Variants in SH3PXD2A observed in about 807,000 individuals in gnomAD.
SH3PXD2A encodes the protein SH3 and PX domains 2A.
A neutral mutation model predicts 115.2 loss-of-function variants in SH3PXD2A; 32 were observed. That is an observed-to-expected ratio of 0.28 (90% CI 0.21 to 0.37). SH3PXD2A has a LOEUF of 0.37. SH3PXD2A is among the 10% of genes least tolerant of loss of function. The pLI is 1.00. For synonymous variants in SH3PXD2A, 610 were observed against 629.1 expected, an observed-to-expected ratio of 0.97 and a Z score of 0.45; for missense variants, 1,328 against 1,498.7, an observed-to-expected ratio of 0.89 and a Z score of 1.88.
At chr10:103,630,886 C>T (rs922042850) in intron 8 of SH3PXD2A, among the ~76,000 whole-genome samples, 3 of 152,036 alleles carry the variant, frequency 2.0e-5, no homozygotes, top group African/African-American at 7.2e-5. Flanking sequence ...AATGAGTTAA[C>T]GAACTTCCTG....
At chr10:103,772,266 T>C (rs997725969) in intron 2 of SH3PXD2A, among the ~76,000 whole-genome samples, 1 of 152,158 alleles carries the variant, frequency 6.6e-6, no homozygotes, top group Non-Finnish European at 1.5e-5. Flanking sequence ...ACCTGGTCAG[T>C]ACCCAATTTG....
intron 1 of SH3PXD2A, among the ~76,000 whole-genome samples, chr10:103,847,523 C>T (rs1842858448): frequency 6.6e-6 from 1 of 152,140 alleles, no homozygotes; most frequent in Admixed American, 6.5e-5. Context: ...TGGGGTCTTG[C>T]TACATTGTCC....
chr10:103,702,461 A>T (rs2037926315), intron 5 of SH3PXD2A, among the ~76,000 whole-genome samples: 1 of 152,206 alleles, frequency 6.6e-6, no homozygotes, highest in Non-Finnish European at 1.5e-5. Flanking sequence ...GCTATGTGGA[A>T]GATGGGGCAC....
At chr10:103,814,610 T>C (rs977324696) in intron 1 of SH3PXD2A, among the ~76,000 whole-genome samples, 1 of 152,180 alleles carries the variant, frequency 6.6e-6, no homozygotes, top group Admixed American at 6.5e-5. Context: ...ACTGTGATGC[T>C]GGTAGATCCC....
intron 4 of SH3PXD2A, 72 bp from the exon 5 acceptor site, chr10:103,724,433 C>T: frequency 1.2e-6 from 1 of 833,164 alleles, no homozygotes; most frequent in Admixed American, 3.0e-5. Context: ...ACAGTGTCAC[C>T]TTACACCAAC....
chr10:103,848,608 C>G (rs950675437), intron 1 of SH3PXD2A, among the ~76,000 whole-genome samples: 4 of 152,294 alleles, frequency 2.6e-5, no homozygotes, highest in African/African-American at 9.6e-5. Context: ...CTTTGCCCAG[C>G]TTTTCCTTGC....
At position 103,622,526 on chromosome 10, in the gene SH3PXD2A, C is replaced by G; in HGVS notation, c.746G>C (p.Arg249Pro). Residue 249 changes from arginine (R) to proline (P), a missense_variant, in exon 10 of 15, where the codon CGG becomes CCG. Physicochemically the swap from Arg to Pro is moderately radical, Grantham distance 103 (BLOSUM62 -2). Coordinates refer to ENST00000369774, the MANE Select transcript of SH3PXD2A (RefSeq NM_001394015.1). ...EVSKRRKAHL[R>P]RLDRRWTLGG... ...CAGGGTCCACCGGCGATCCAGGCGC[C>G]GCAGATGGGCCTTGCGTCTCTTGGA... 6.5e-7 allele frequency: 1 copy of G among 1,550,360 alleles called. No homozygotes were observed. Among genetic ancestry groups the G allele is most frequent in the Non-Finnish European group, 8.7e-7 (1 of 1,146,874 alleles).
In SH3PXD2A at chr10:103,756,143, G is replaced by A. The variant is rs1457908065; in HGVS notation, c.229+10951C>T. On this transcript the variant is annotated intron_variant, in intron 3 of 14. Transcript: ENST00000369774. This position sits in a 1 kb window ranked among gnomAD's most constrained non-coding sequence, Gnocchi z 4.4. Reference sequence around the variant, plus strand: ...GACATCAGTCCTGGGAACTGTGGAGGTGAAGGGGGAGGAGGTATTTTCAGC... The same window carrying A: ...GACATCAGTCCTGGGAACTGTGGAGATGAAGGGGGAGGAGGTATTTTCAGC... Among the ~76,000 whole-genome samples the A allele has an allele frequency of 6.6e-6, 1 of 152,230 alleles. No homozygotes were observed. Among genetic ancestry groups the A allele is most frequent in the African/African-American group, 2.4e-5 (1 of 41,468 alleles).
intron 1 of SH3PXD2A, among the ~76,000 whole-genome samples, chr10:103,825,407 T>C (rs574274871): frequency 1.3e-5 from 2 of 152,370 alleles, no homozygotes; most frequent in Admixed American, 1.3e-4. Flanking sequence ...TATTATTTAA[T>C]TGATACAGTT....
chr10:103,713,636 C>A (rs1417047295), intron 5 of SH3PXD2A, among the ~76,000 whole-genome samples: 4 of 152,248 alleles, frequency 2.6e-5, no homozygotes, highest in African/African-American at 9.6e-5. Flanking sequence ...CTCAGGGAGG[C>A]CTTCCTGACC....
At chr10:103,642,103 C>T (rs9665531) in intron 8 of SH3PXD2A, among the ~76,000 whole-genome samples, 21,174 of 151,806 alleles carry the variant, frequency 0.14, 1,856 homozygotes, top group South Asian at 0.27. Flanking sequence ...GTAAGTCACA[C>T]CATCATAAGT....
intron 2 of SH3PXD2A, among the ~76,000 whole-genome samples, chr10:103,778,937 G>A (rs2134238722): frequency 6.6e-6 from 1 of 152,344 alleles, no homozygotes; most frequent in Non-Finnish European, 1.5e-5. Context: ...GGGCAGCAGA[G>A]CACCTGGGGA....
At position 103,603,163 on chromosome 10, in the gene SH3PXD2A, G is replaced by GT. The variant is rs1465906150; in HGVS notation, c.2054dup (p.His685GlnfsTer57). On this transcript the variant is annotated frameshift_variant, in exon 15 of 15. Transcript: ENST00000369774. LOFTEE classifies it high-confidence loss of function. ...TGGATGAGGAAAAGGAGGCTGAGGAGTGGTTCTTCCCCATTTCTGCCTGGG... is the reference window on the plus strand; with the variant it reads ...TGGATGAGGAAAAGGAGGCTGAGGAGTTGGTTCTTCCCCATTTCTGCCTGGG... 6.2e-7 allele frequency: 1 copy of GT among 1,613,760 alleles called. No individual in the cohort carries two copies. The highest frequency in any genetic ancestry group is 8.5e-7 in the Non-Finnish European group (1 of 1,180,008).
chr10:103,736,456 C>T (rs1483747626), intron 3 of SH3PXD2A, among the ~76,000 whole-genome samples: 1 of 152,244 alleles, frequency 6.6e-6, no homozygotes, highest in Non-Finnish European at 1.5e-5. Flanking sequence ...GCTGACTCTC[C>T]CAAGCTGGCC....
intron 8 of SH3PXD2A, among the ~76,000 whole-genome samples, chr10:103,645,164 G>A (rs938318328): frequency 6.6e-6 from 1 of 152,180 alleles, no homozygotes; most frequent in Non-Finnish European, 1.5e-5. Flanking sequence ...TAGACCAAGA[G>A]CTCTCTGAGG....
intron 8 of SH3PXD2A, among the ~76,000 whole-genome samples, chr10:103,647,220 C>T (rs900712054): frequency 2.6e-5 from 4 of 152,198 alleles, no homozygotes; most frequent in African/African-American, 9.7e-5. Context: ...GCTCCAGCTC[C>T]CCAGCTCTGG....
rs531176508 is a variant in SH3PXD2A at position 103,678,272 on chromosome 10, G to A, written c.428-9620C>T. ...CTGCGTGGGTCCAGACCAATCCCCT[G>A]AGCGCTGAGATGCCACGTAAACAGA... On this transcript the variant is annotated intron_variant, in intron 6 of 14. Coordinates refer to ENST00000369774, the MANE Select transcript of SH3PXD2A (RefSeq NM_001394015.1). 2.8e-5 allele frequency: 16 copies of A among 581,432 alleles called. No homozygotes were observed. The African/African-American group carries it at 3.1e-4, about 11-fold the overall frequency. 36.0% of individuals were successfully genotyped at this position (581,432 alleles called of 1,614,324 possible). A position where few individuals can be genotyped will look rare whatever the true frequency, so the allele number is the denominator to read the frequency against.
At chr10:103,661,987 G>T (rs950594527) in intron 7 of SH3PXD2A, 3 of 983,922 alleles carry the variant, frequency 3.0e-6, no homozygotes, top group Admixed American at 6.2e-5. Flanking sequence ...CCCAGGCCGG[G>T]TACAGTCGGA....
intron 2 of SH3PXD2A, among the ~76,000 whole-genome samples, chr10:103,797,011 T>C (rs536069252): frequency 2.0e-5 from 3 of 151,838 alleles, no homozygotes; most frequent in Non-Finnish European, 4.4e-5. Context: ...TACAGGCACA[T>C]GCCACCACAC....
Sources: gnomAD v4.1 joint callset for allele counts (sites outside exome capture counted in the v4.1 genomes callset) on GRCh38, gnomAD v4.1.1 for gene constraint, Gnocchi (gnomAD v3.1) non-coding constraint, MANE v1.5 for transcripts, NCBI Gene and HGNC (gene_info 2026-07-23, HGNC 2026-07-21) for gene names.